PPP1R16B: variants seen among roughly 807,000 people sequenced by gnomAD.
PPP1R16B encodes protein phosphatase 1 regulatory inhibitor subunit 16B.
Under a neutral mutation model 61.7 loss-of-function variants are expected in PPP1R16B, and 14 were observed. The observed-to-expected ratio is 0.23, with a 90% confidence interval of 0.15 to 0.35. The LOEUF (loss-of-function observed/expected upper bound fraction) is 0.35. PPP1R16B is among the 10% of genes least tolerant of loss of function. The pLI is 1.00. For missense variants in PPP1R16B, 547 were observed against 752.5 expected (o/e 0.73, Z 3.19); for synonymous variants, 266 against 305.3 (o/e 0.87, Z 1.34).
intron 2 of PPP1R16B, among the ~76,000 whole-genome samples, chr20:38,844,359 A>C (rs2084925267): frequency 6.6e-6 from 1 of 152,226 alleles, no homozygotes; most frequent in African/African-American, 2.4e-5. Flanking sequence ...AAATGCTGTC[A>C]GTTGTGAGAA....
chr20:38,862,588 C>G (rs779665650), intron 2 of PPP1R16B, among the ~76,000 whole-genome samples: 155 of 152,126 alleles, frequency 1.0e-3, no homozygotes, highest in Admixed American at 5.9e-4. Context: ...ACTGTCTGAC[C>G]CTTTGTCCAG....
intron 1 of PPP1R16B, among the ~76,000 whole-genome samples, chr20:38,811,855 C>T (rs1223037664): frequency 2.0e-5 from 3 of 152,192 alleles, no homozygotes; most frequent in Non-Finnish European, 2.9e-5. Flanking sequence ...TCCCAAATAT[C>T]AATAGTGCTG....
intron 10 of PPP1R16B, among the ~76,000 whole-genome samples, chr20:38,908,625 G>A (rs1481037838): frequency 6.6e-6 from 1 of 152,226 alleles, no homozygotes; most frequent in Admixed American, 6.5e-5. Context: ...GTGTTTATCA[G>A]AACATGTTTT....
chr20:38,827,333 A>T (rs1358058429), intron 1 of PPP1R16B, among the ~76,000 whole-genome samples: 9 of 152,210 alleles, frequency 5.9e-5, no homozygotes, highest in Non-Finnish European at 1.2e-4. Context: ...CCACTGCTGG[A>T]CATGATGACA....
intron 1 of PPP1R16B, among the ~76,000 whole-genome samples, chr20:38,825,665 C>T (rs1267031568): frequency 3.3e-5 from 5 of 152,140 alleles, no homozygotes; most frequent in Admixed American, 2.0e-4. Flanking sequence ...ACCATGGATG[C>T]CACAGTGAGT....
At chr20:38,915,948 A>G (rs2085533911) in intron 10 of PPP1R16B, among the ~76,000 whole-genome samples, 1 of 151,874 alleles carries the variant, frequency 6.6e-6, no homozygotes, top group Non-Finnish European at 1.5e-5. Context: ...TATGGATTTT[A>G]ACAATATCCC....
chr20:38,827,081 C>G (rs2084809541), intron 1 of PPP1R16B, among the ~76,000 whole-genome samples: 1 of 152,080 alleles, frequency 6.6e-6, no homozygotes, highest in Admixed American at 6.6e-5. Context: ...TCCCAAGTAG[C>G]TGGGACTAGA....
chr20:38,850,967 C>CAAA (rs11381856), intron 2 of PPP1R16B, among the ~76,000 whole-genome samples: 8 of 136,712 alleles, frequency 5.9e-5, no homozygotes, highest in African/African-American at 1.4e-4. Context: ...GACTCCATCT[C>CAAA]AAAAAAAAAA....
intron 2 of PPP1R16B, among the ~76,000 whole-genome samples, chr20:38,844,357 T>C (rs1452826732): frequency 6.6e-6 from 1 of 152,218 alleles, no homozygotes; most frequent in African/African-American, 2.4e-5. Flanking sequence ...ACAAATGCTG[T>C]CAGTTGTGAG....
At chr20:38,893,609 G>GCTGA (rs1249445041) in intron 3 of PPP1R16B, among the ~76,000 whole-genome samples, 1 of 151,958 alleles carries the variant, frequency 6.6e-6, no homozygotes, top group African/African-American at 2.4e-5. Flanking sequence ...GGAGGAGGCG[G>GCTGA]CTGACTGCCA....
intron 2 of PPP1R16B, chr20:38,838,147 C>T: frequency 6.6e-6 from 1 of 152,398 alleles, no homozygotes; most frequent in South Asian, 2.1e-4. Context: ...AACCACAGCC[C>T]CCTTCCCTGG....
rs73908207 is a variant in PPP1R16B at position 38,921,682 on chromosome 20, G to A, written c.*3016G>A. 1 of 152,138 alleles carries A rather than the reference G, an allele frequency of 6.6e-6. No homozygotes were observed. Among genetic ancestry groups the A allele is most frequent in the African/African-American group, 2.4e-5 (1 of 41,410 alleles). The allele number at this position is 152,138 out of a possible 1,614,324, so 9.4% of individuals were successfully genotyped here. A position where few individuals can be genotyped will look rare whatever the true frequency, so the allele number is the denominator to read the frequency against. ...GCTGCCTTCAGCCAGCATCTTTGGG[G>A]GACTCTATAATAGCAGCTTGAGATC... On this transcript the variant is annotated 3_prime_UTR_variant, in exon 11 of 11. Coordinates refer to ENST00000299824, the MANE Select transcript of PPP1R16B (RefSeq NM_015568.4).
At chr20:38,857,714 T>C (rs555055475) in intron 2 of PPP1R16B, among the ~76,000 whole-genome samples, 1 of 152,312 alleles carries the variant, frequency 6.6e-6, no homozygotes, top group Non-Finnish European at 1.5e-5. Flanking sequence ...TATATTCCAG[T>C]CTTGGTGTGC....
intron 2 of PPP1R16B, among the ~76,000 whole-genome samples, chr20:38,882,854 A>T (rs998509468): frequency 6.6e-6 from 1 of 152,190 alleles, no homozygotes; most frequent in African/African-American, 2.4e-5. Context: ...GGGAAGAAAG[A>T]AGGCTCCGGG....
intron 1 of PPP1R16B, among the ~76,000 whole-genome samples, chr20:38,834,150 T>C (rs1454165624): frequency 6.6e-6 from 1 of 152,230 alleles, no homozygotes; most frequent in Non-Finnish European, 1.5e-5. Flanking sequence ...TGTCTTAATG[T>C]TTAGGGCCAG....
intron 2 of PPP1R16B, among the ~76,000 whole-genome samples, chr20:38,842,523 T>C (rs557451160): frequency 7.9e-5 from 12 of 152,350 alleles, no homozygotes; most frequent in African/African-American, 2.6e-4. Flanking sequence ...CTTATTAAAT[T>C]TAATGATTTT....
intron 10 of PPP1R16B, among the ~76,000 whole-genome samples, chr20:38,917,351 T>A (rs1367325058): frequency 6.6e-6 from 1 of 152,130 alleles, no homozygotes; most frequent in East Asian, 1.9e-4. Flanking sequence ...AAAATTAGTC[T>A]CTTTTCTGTA....
chr20:38,898,731 A>G (rs1447899170), intron 4 of PPP1R16B, among the ~76,000 whole-genome samples: 1 of 151,910 alleles, frequency 6.6e-6, no homozygotes, highest in African/African-American at 2.4e-5. Flanking sequence ...AACTGCTTGA[A>G]CCTGGGAGGC....
chr20:38,882,599 C>A (rs1350617920), intron 2 of PPP1R16B, among the ~76,000 whole-genome samples: 1 of 152,198 alleles, frequency 6.6e-6, no homozygotes, highest in Non-Finnish European at 1.5e-5. Context: ...CTGAGTCATA[C>A]TCCTGTTGTG....
Sources: gnomAD v4.1 joint callset for allele counts (sites outside exome capture counted in the v4.1 genomes callset) on GRCh38, gnomAD v4.1.1 for gene constraint, MANE v1.5 for transcripts, NCBI Gene and HGNC (gene_info 2026-07-23, HGNC 2026-07-21) for gene names.